Variants in GALNT17 observed in about 807,000 individuals in gnomAD.
GALNT17 encodes the protein UDP-GalNAc:polypeptide N-acetylgalactosaminyltransferase-like 3.
In GALNT17, 29 loss-of-function variants were observed where a neutral mutation model predicts 63.7. That is an observed-to-expected ratio of 0.46 (90% CI 0.34 to 0.62). The LOEUF (loss-of-function observed/expected upper bound fraction) is 0.62, where lower values mean the gene tolerates loss of function less well. GALNT17 is among the 20% of genes least tolerant of loss of function. GALNT17 has a pLI of 0.01. For missense variants in GALNT17, 603 were observed against 799.6 expected (o/e 0.75, Z 2.97); for synonymous variants, 305 against 318.3 (o/e 0.96, Z 0.45).
At chr7:71,536,560 T>C (rs2116794062) in intron 5 of GALNT17, among the ~76,000 whole-genome samples, 1 of 152,210 alleles carries the variant, frequency 6.6e-6, no homozygotes. Flanking sequence ...ATGAGGAAGA[T>C]GCAAAAGCAG....
chr7:71,518,996 T>C (rs1020442516), intron 5 of GALNT17, among the ~76,000 whole-genome samples: 6 of 152,154 alleles, frequency 3.9e-5, no homozygotes, highest in African/African-American at 1.4e-4. Flanking sequence ...ACAGGATACA[T>C]CAGTGTCATG....
intron 5 of GALNT17, among the ~76,000 whole-genome samples, chr7:71,520,436 T>C (rs538943060): frequency 1.3e-5 from 2 of 152,004 alleles, no homozygotes; most frequent in East Asian, 1.9e-4. Context: ...GGCAGGAGAA[T>C]TGCTTGAACC....
chr7:71,571,806 G>A (rs965445051), intron 6 of GALNT17, among the ~76,000 whole-genome samples: 3 of 152,092 alleles, frequency 2.0e-5, no homozygotes, highest in African/African-American at 7.2e-5. Context: ...TTAAGACCAG[G>A]CATTCAAGAC....
intron 5 of GALNT17, among the ~76,000 whole-genome samples, chr7:71,469,527 A>G (rs1787593855): frequency 6.6e-6 from 1 of 152,236 alleles, no homozygotes; most frequent in Non-Finnish European, 1.5e-5. Context: ...GGAAAATAAC[A>G]CACAGAAAAT....
At chr7:71,592,003 C>A (rs557446619) in intron 6 of GALNT17, among the ~76,000 whole-genome samples, 1 of 152,274 alleles carries the variant, frequency 6.6e-6, no homozygotes, top group South Asian at 2.1e-4. Context: ...TGCAAAGATG[C>A]CAAGGGCGCA....
chr7:71,485,545 G>T (rs1285020352), intron 5 of GALNT17, among the ~76,000 whole-genome samples: 1 of 152,198 alleles, frequency 6.6e-6, no homozygotes, highest in African/African-American at 2.4e-5. Context: ...TCCTTGACCT[G>T]TGGTGCCATC....
intron 9 of GALNT17, among the ~76,000 whole-genome samples, chr7:71,693,491 G>A (rs554129899): frequency 3.1e-3 from 474 of 151,938 alleles, no homozygotes; most frequent in East Asian, 0.01. Flanking sequence ...ATGGAATCTT[G>A]TCCTTTGCAG....
chr7:71,135,565 G>A (rs1165469176), intron 1 of GALNT17, among the ~76,000 whole-genome samples: 1 of 152,210 alleles, frequency 6.6e-6, no homozygotes. Context: ...CTGCACCAGT[G>A]TCTTGATCTT....
intron 9 of GALNT17, among the ~76,000 whole-genome samples, chr7:71,686,556 T>TC (rs1323563228): frequency 1.3e-5 from 2 of 150,228 alleles, no homozygotes; most frequent in Admixed American, 6.7e-5. Context: ...TTTTTATTTT[T>TC]TTTTTAAATT....
intron 1 of GALNT17, among the ~76,000 whole-genome samples, chr7:71,301,123 A>G (rs1404353192): frequency 6.6e-6 from 1 of 151,462 alleles, no homozygotes; most frequent in East Asian, 1.9e-4. Flanking sequence ...CCTTATCTCT[A>G]CAAAAATTAA....
chr7:71,473,670 G>A (rs1263706892), intron 5 of GALNT17, among the ~76,000 whole-genome samples: 1 of 152,108 alleles, frequency 6.6e-6, no homozygotes, highest in Non-Finnish European at 1.5e-5. Context: ...AATGTTTCAG[G>A]TTTCTCTGGG....
chr7:71,537,827 A>C (rs956732374), intron 5 of GALNT17, among the ~76,000 whole-genome samples: 7 of 152,158 alleles, frequency 4.6e-5, no homozygotes, highest in African/African-American at 1.7e-4. Flanking sequence ...AAACGAAAAC[A>C]AAAACAAAAA....
intron 9 of GALNT17, among the ~76,000 whole-genome samples, chr7:71,693,257 CACACAT>C (rs1291583471): frequency 8.1e-5 from 7 of 86,140 alleles, no homozygotes; most frequent in South Asian, 1.4e-3. Flanking sequence ...TATACACACA[CACACAT>C]ACACACACAC....
At chr7:71,583,431 G>A (rs989535960) in intron 6 of GALNT17, among the ~76,000 whole-genome samples, 2 of 152,274 alleles carry the variant, frequency 1.3e-5, no homozygotes, top group East Asian at 3.9e-4. Flanking sequence ...GGAAGAGATA[G>A]TCAGGCCCCC....
chr7:71,133,189 C>G, intron 1 of GALNT17, 149 bp downstream of exon 1: 1 of 645,996 alleles, frequency 1.5e-6, no homozygotes, highest in Admixed American at 3.8e-5. Flanking sequence ...TGCCCCGTTT[C>G]GGGCAGATGG....
chr7:71,323,778 C>G (rs555132420), intron 1 of GALNT17, among the ~76,000 whole-genome samples: 1 of 152,342 alleles, frequency 6.6e-6, no homozygotes, highest in African/African-American at 2.4e-5. Context: ...TTCATTGACT[C>G]ACTTTGGTCA....
intron 9 of GALNT17, among the ~76,000 whole-genome samples, chr7:71,701,753 G>GTA (rs370707801): frequency 1.4e-4 from 3 of 22,162 alleles, no homozygotes; most frequent in Non-Finnish European, 3.6e-4. Flanking sequence ...GTATATATAT[G>GTA]TATATATATG....
intron 5 of GALNT17, among the ~76,000 whole-genome samples, chr7:71,436,609 C>T (rs1267206769): frequency 6.6e-6 from 1 of 151,736 alleles, no homozygotes; most frequent in African/African-American, 2.4e-5. Context: ...GTCCCAGCTA[C>T]TCAGGAGGCT....
At chr7:71,615,250 C>T (rs1310623493) in intron 6 of GALNT17, among the ~76,000 whole-genome samples, 2 of 152,092 alleles carry the variant, frequency 1.3e-5, no homozygotes, top group Non-Finnish European at 2.9e-5. Flanking sequence ...TGCAGTGGCT[C>T]AATTGGGACT....
Sources: allele counts gnomAD v4.1 joint callset (sites outside exome capture counted in the v4.1 genomes callset), GRCh38; gene constraint gnomAD v4.1.1; transcripts MANE v1.5; gene names NCBI Gene and HGNC (gene_info 2026-07-23, HGNC 2026-07-21).